The following KLC1 variants were observed in gnomAD, a reference collection of about 807,000 sequenced individuals.
The protein encoded by KLC1 is kinesin light chain 1.
A neutral mutation model predicts 84.2 loss-of-function variants in KLC1; 30 were observed. The observed-to-expected ratio is 0.36, with a 90% CI of 0.27 to 0.48. The LOEUF (loss-of-function observed/expected upper bound fraction) is 0.48. Ranked by LOEUF, KLC1 falls within the 20% of genes least tolerant of loss-of-function variation. The probability of loss-of-function intolerance (pLI) is 0.99; values close to 1 mark genes in which losing one functional copy is unlikely to be tolerated. For synonymous variants in KLC1, 289 were observed against 293.3 expected (o/e 0.99, Z 0.15); for missense variants, 499 against 805.4 (o/e 0.62, Z 4.60).
At chr14:103,676,990 C>T (rs2080950865) in intron 11 of KLC1, among the ~76,000 whole-genome samples, 1 of 152,226 alleles carries the variant, frequency 6.6e-6, no homozygotes, top group Non-Finnish European at 1.5e-5. Flanking sequence ...TTGCTGTCTT[C>T]TCCCGGGTAC....
chr14:103,631,916 G>A (rs2151240431), intron 1 of KLC1, among the ~76,000 whole-genome samples: 1 of 152,262 alleles, frequency 6.6e-6, no homozygotes, highest in South Asian at 2.1e-4. Context: ...AGTATTTTAT[G>A]TAGCAAAGAA....
intron 15 of KLC1, chr14:103,699,400 G>GCTCA (rs1567048580): frequency 2.5e-6 from 4 of 1,611,856 alleles, no homozygotes; most frequent in Non-Finnish European, 3.4e-6. Flanking sequence ...GGAAGGCACT[G>GCTCA]CTCAGCTCAC....
At chr14:103,677,971 TAAA>T (rs34560300) in intron 12 of KLC1, among the ~76,000 whole-genome samples, 27 of 136,238 alleles carry the variant, frequency 2.0e-4, no homozygotes, top group Non-Finnish European at 2.0e-4. Context: ...CGTCTCAATT[TAAA>T]AAAAAAAAAA....
At chr14:103,695,423 G>C (rs895414147) in intron 15 of KLC1, 1 of 984,436 alleles carries the variant, frequency 1.0e-6, no homozygotes. Context: ...CCCAAAAAAA[G>C]GGGGGTGTAG....
intron 5 of KLC1, among the ~76,000 whole-genome samples, chr14:103,666,777 C>CTTT (rs67276843): frequency 9.0e-6 from 1 of 111,670 alleles, no homozygotes; most frequent in Non-Finnish European, 1.9e-5. Flanking sequence ...TTTTTTCTTT[C>CTTT]TTTTTTTTTT....
Position 103,701,206 on chromosome 14 carries a change from C to A in KLC1, c.*7C>A. On this transcript the variant is annotated 3_prime_UTR_variant, in exon 17 of 17. Transcript: ENST00000334553. ...CCTTCTATCTTCTCTTGCAGTGACC[C>A]CGACCTGGCCCCGCTCCAGGATGGG... is the stretch of plus-strand genomic sequence containing the variant. 1 of 1,550,932 alleles carries A rather than the reference C, an allele frequency of 6.4e-7. No homozygotes were observed. The highest frequency in any genetic ancestry group is 8.7e-7 in the Non-Finnish European group (1 of 1,146,548).
chr14:103,645,307 G>A (rs902895970), intron 1 of KLC1, among the ~76,000 whole-genome samples: 1 of 152,160 alleles, frequency 6.6e-6, no homozygotes, highest in Admixed American at 6.5e-5. Flanking sequence ...AAATTTGCCT[G>A]TCTTTTTTTT....
chr14:103,696,480 A>G (rs1440311828), intron 15 of KLC1: 9 of 985,176 alleles, frequency 9.1e-6, no homozygotes, highest in East Asian at 1.1e-4. Flanking sequence ...TATCGTTACA[A>G]TGTATAACAG....
chr14:103,676,803 T>A (rs2080925897), intron 11 of KLC1, among the ~76,000 whole-genome samples: 1 of 152,228 alleles, frequency 6.6e-6, no homozygotes, highest in African/African-American at 2.4e-5. Context: ...ATTTTTTTAG[T>A]AAGTCTGCTC....
intron 1 of KLC1, among the ~76,000 whole-genome samples, chr14:103,646,592 CCGTGAACTGCAGA>C (rs1328669866): frequency 2.0e-5 from 3 of 152,172 alleles, no homozygotes; most frequent in Admixed American, 6.6e-5. Flanking sequence ...CTCACTGCAG[CCGTGAACTGCAGA>C]CATGCATCTT....
Position 103,696,090 on chromosome 14 carries a change from GCGCCCC to G in KLC1, c.1848+3673_1848+3678del, listed in dbSNP as rs2082460077. The G allele has an allele frequency of 9.0e-6, 7 of 775,100 alleles. No individual in the cohort carries two copies. The South Asian group carries it at 2.8e-4, about 31-fold the overall frequency. 48.0% of individuals were successfully genotyped at this position (775,100 alleles called of 1,614,324 possible). A position where few individuals can be genotyped will look rare whatever the true frequency, so the allele number is the denominator to read the frequency against. Reference sequence around the variant, plus strand: ...CAGAGTTGCTGTCAAAATAATCACTGCGCCCCCGCCCCCCGCCCCCCCCCACAGCAG... The same window carrying G: ...CAGAGTTGCTGTCAAAATAATCACTGCGCCCCCCGCCCCCCCCCACAGCAG... On this transcript the variant is annotated intron_variant, in intron 15 of 16. Coordinates refer to ENST00000334553, the MANE Select transcript of KLC1 (RefSeq NM_001394837.1).
At chr14:103,646,800 T>C (rs189376011) in intron 1 of KLC1, among the ~76,000 whole-genome samples, 12 of 152,112 alleles carry the variant, frequency 7.9e-5, no homozygotes, top group Admixed American at 7.2e-4. Flanking sequence ...TTTGTAGAGA[T>C]GGGGTCTTGC....
intron 11 of KLC1, among the ~76,000 whole-genome samples, chr14:103,676,470 T>C (rs2080885514): frequency 6.6e-6 from 1 of 152,186 alleles, no homozygotes; most frequent in Non-Finnish European, 1.5e-5. Flanking sequence ...TTCACCGTGT[T>C]GGCCAGGCTG....
At chr14:103,659,329 A>G (rs2079098073) in intron 3 of KLC1, among the ~76,000 whole-genome samples, 1 of 152,188 alleles carries the variant, frequency 6.6e-6, no homozygotes, top group Admixed American at 6.5e-5. Flanking sequence ...CTTATTTTTA[A>G]TTTTAAAAAT....
intron 12 of KLC1, 110 bp from the exon 13 acceptor site, chr14:103,679,274 A>G (rs775977396): frequency 2.9e-6 from 4 of 1,397,016 alleles, no homozygotes; most frequent in South Asian, 2.7e-5. Flanking sequence ...TTTTCCCTCC[A>G]GTGATTAAGA....
At chr14:103,636,692 AT>A (rs1258154998) in intron 1 of KLC1, among the ~76,000 whole-genome samples, 1 of 151,394 alleles carries the variant, frequency 6.6e-6, no homozygotes, top group Non-Finnish European at 1.5e-5. Flanking sequence ...AAAAAATTGG[AT>A]TGTTTGTATT....
At chr14:103,641,414 C>G (rs2077476567) in intron 1 of KLC1, among the ~76,000 whole-genome samples, 1 of 152,036 alleles carries the variant, frequency 6.6e-6, no homozygotes, top group Non-Finnish European at 1.5e-5. Flanking sequence ...TAACAAAGTA[C>G]CACAGGCTAG....
chr14:103,655,602 ATTTTAT>A (rs142008283), intron 2 of KLC1, among the ~76,000 whole-genome samples: 41,870 of 149,588 alleles, frequency 0.28, 6,491 homozygotes, highest in East Asian at 0.35. Flanking sequence ...CGGCCTCTGA[ATTTTAT>A]TTTTATTTTT....
At chr14:103,657,276 T>G (rs1405364187) in intron 2 of KLC1, among the ~76,000 whole-genome samples, 1 of 152,174 alleles carries the variant, frequency 6.6e-6, no homozygotes, top group African/African-American at 2.4e-5. Flanking sequence ...GTAGCTGTGT[T>G]TTCATTGCTA....
Sources: gnomAD v4.1 joint callset for allele counts (sites outside exome capture counted in the v4.1 genomes callset) on GRCh38, gnomAD v4.1.1 for gene constraint, MANE v1.5 for transcripts, NCBI Gene and HGNC (gene_info 2026-07-23, HGNC 2026-07-21) for gene names.